Variants in UMODL1 observed in about 807,000 individuals in gnomAD.
The protein encoded by UMODL1 is uromodulin like 1, also known as uromodulin-like 1.
A neutral mutation model predicts 136.3 loss-of-function variants in UMODL1; 128 were observed. The observed-to-expected ratio is 0.94, with a 90% confidence interval of 0.81 to 1.09. The LOEUF (loss-of-function observed/expected upper bound fraction) is 1.09. Ranked by LOEUF, UMODL1 falls within the 50% of genes least tolerant of loss-of-function variation. The probability of loss-of-function intolerance (pLI) is 0.00; values close to 1 mark genes in which losing one functional copy is unlikely to be tolerated. For synonymous variants in UMODL1, 721 were observed against 720.0 expected (o/e 1.00, Z -0.02); for missense variants, 1,766 against 1,725.6 (o/e 1.02, Z -0.41).
rs557106721 is a variant in UMODL1, at chr21:42,088,340, A to G, written c.650A>G (p.His217Arg). 62 of 1,613,726 alleles carry G rather than the reference A, an allele frequency of 3.8e-5. No homozygotes were observed. The highest frequency in any genetic ancestry group is 4.9e-5 in the Non-Finnish European group (58 of 1,179,984). Residue 217 changes from histidine (H) to arginine (R), a missense_variant, in exon 5 of 23, where the codon CAC becomes CGC. By Grantham distance (29) the His-to-Arg change is conservative. Transcript: ENST00000408910. ...QPMASTVHHL[H>R]SAPGNASTTV... is the part of the protein sequence containing the mutation. Reference sequence around the variant, plus strand: ...ATGGCCTCCACCGTCCACCACCTGCACTCAGCCCCTGGGAACGCCTCCACC... The same window carrying G: ...ATGGCCTCCACCGTCCACCACCTGCGCTCAGCCCCTGGGAACGCCTCCACC...
In UMODL1 at chr21:42,113,686, A is replaced by C. The variant is rs777869651; in HGVS notation, c.2218A>C (p.Met740Leu). Residue 740 changes from methionine to leucine, a missense_variant, in exon 13 of 23, where the codon ATG becomes CTG. Met to Leu is a conservative substitution (Grantham distance 15). Coordinates refer to ENST00000408910, the MANE Select transcript of UMODL1 (RefSeq NM_001004416.3). ...CACCTTCCAGCTCACTCTGACTTCC[A>C]TGTGGAGCCCTGCTGTGGTCCTAGA... Reference protein sequence around the residue: ...DSTFQLTLTSMWSPAVVLETW... With the variant: ...DSTFQLTLTSLWSPAVVLETW... 3 of 1,614,016 alleles carry C rather than the reference A, an allele frequency of 1.9e-6. No homozygotes were observed. In the Admixed American group the frequency reaches 5.0e-5, roughly 27 times the overall value.
Position 42,099,244 on chromosome 21 carries a change from GC to G in UMODL1, c.1186+67del. On this transcript the variant is annotated intron_variant, in intron 7 of 22. Transcript: ENST00000408910. This position sits in a 1 kb window ranked among gnomAD's most constrained non-coding sequence, Gnocchi z 4.1. ...CTTGTCTTTCTATCCCAGGTCTGTG[GC>G]CCTAGCATGTCGCGTTCTTCTTCCT... is the stretch of plus-strand genomic sequence containing the variant. The G allele has an allele frequency of 6.4e-7, 1 of 1,573,094 alleles. No individual in the cohort carries two copies. The highest frequency in any genetic ancestry group is 8.6e-7 in the Non-Finnish European group (1 of 1,159,050).
chr21:42,086,445 C>T, intron 4 of UMODL1: 1 of 445,986 alleles, frequency 2.2e-6, no homozygotes, highest in South Asian at 1.6e-5. Flanking sequence ...TTGTTCTGGG[C>T]TGCTGGCCAG....
At chr21:42,108,879 C>CGGGAA (rs1569160178) in intron 9 of UMODL1, among the ~76,000 whole-genome samples, 8 of 127,606 alleles carry the variant, frequency 6.3e-5, no homozygotes, top group East Asian at 4.8e-4. Context: ...CCACCCCCGG[C>CGGGAA]GTGGGAAGTT....
At chr21:42,092,878 A>T (rs1359409276) in intron 6 of UMODL1, among the ~76,000 whole-genome samples, 3 of 152,084 alleles carry the variant, frequency 2.0e-5, no homozygotes, top group African/African-American at 7.2e-5. Context: ...CAGAAGAGGA[A>T]ATTGAGGGGG....
intron 3 of UMODL1, 130 bp downstream of exon 3, chr21:42,084,375 G>A (rs532471659): frequency 1.3e-4 from 130 of 992,818 alleles, no homozygotes; most frequent in Middle Eastern, 3.3e-4. Context: ...AGCCCCCACC[G>A]TGTGCACAGG....
chr21:42,090,976 C>T (rs1205885928), intron 6 of UMODL1, among the ~76,000 whole-genome samples: 2 of 152,050 alleles, frequency 1.3e-5, no homozygotes, highest in African/African-American at 2.4e-5. Context: ...TTCTTCGAAA[C>T]GGGAAAAGGG....
intron 10 of UMODL1, 98 bp from the exon 11 acceptor site, chr21:42,110,782 G>T (rs2066809870): frequency 3.3e-6 from 4 of 1,216,840 alleles, no homozygotes; most frequent in African/African-American, 1.5e-5. Flanking sequence ...ACTCCGGGAT[G>T]CAGAGCAGTC....
At chr21:42,140,827 C>T (rs2067272016) in intron 22 of UMODL1, among the ~76,000 whole-genome samples, 1 of 152,166 alleles carries the variant, frequency 6.6e-6, no homozygotes, top group African/African-American at 2.4e-5. Context: ...CAGGGAACAA[C>T]AGCGAAGTTT....
At chr21:42,108,204 C>T (rs1005593432) in intron 9 of UMODL1, 21 of 450,946 alleles carry the variant, frequency 4.7e-5, no homozygotes, top group Non-Finnish European at 7.0e-5. Context: ...TTTGAGCCAG[C>T]GTCTTGCCTG....
At chr21:42,096,987 T>G (rs1601207963) in intron 6 of UMODL1, among the ~76,000 whole-genome samples, 1 of 151,382 alleles carries the variant, frequency 6.6e-6, no homozygotes, top group Non-Finnish European at 1.5e-5. Flanking sequence ...GAGTGGGGGG[T>G]CTTTTTGATT....
chr21:42,107,059 C>G (rs745916726), intron 9 of UMODL1, among the ~76,000 whole-genome samples: 2 of 152,234 alleles, frequency 1.3e-5, no homozygotes, highest in Non-Finnish European at 2.9e-5. Context: ...TGGGTTCCCA[C>G]TGGTCCTTCC....
rs1454407562 is a variant in UMODL1 at position 42,123,155 on chromosome 21, G to A, written c.3147+5G>A. The stretch of plus-strand genomic sequence containing the variant: ...TGTGGGACCCTCATGCAGAGCGTAA[G>A]ACCAGGAGAGCCAGGCTCAGGATGT... On this transcript the variant is annotated splice_donor_5th_base_variant and intron_variant, in intron 17 of 22. Transcript: ENST00000408910. This position sits in a 1 kb window ranked among gnomAD's most constrained non-coding sequence, Gnocchi z 4.4. 1 of 1,605,602 alleles carries A rather than the reference G, an allele frequency of 6.2e-7. No individual in the cohort carries two copies. Among genetic ancestry groups the A allele is most frequent in the Admixed American group, 1.7e-5 (1 of 59,718 alleles).
chr21:42,123,057 C>T lies in UMODL1; in HGVS notation c.3054C>T (p.Tyr1018=), dbSNP rs534010351. 13 of 1,614,152 alleles carry T rather than the reference C, an allele frequency of 8.1e-6. No homozygotes were observed. Among genetic ancestry groups the T allele is most frequent in the East Asian group, 6.7e-5 (3 of 44,878 alleles). The change falls in exon 17 of 23, where the codon TAC becomes TAT. Residue 1018 remains tyrosine, a synonymous_variant. Transcript: ENST00000408910. This position sits in a 1 kb window ranked among gnomAD's most constrained non-coding sequence, Gnocchi z 4.4. ...QQESIPESSL[Y]LSHPSCNVSH... ...AATCCATCCCCGAGTCCTCGTTGTA[C>T]CTCAGCCACCCCTCCTGCAACGTGA...
chr21:42,129,095 A>G (rs1200160459), intron 20 of UMODL1, among the ~76,000 whole-genome samples: 3 of 151,748 alleles, frequency 2.0e-5, no homozygotes, highest in South Asian at 2.1e-4. Context: ...CTCAGTACAC[A>G]TCTATGTTTG....
intron 20 of UMODL1, among the ~76,000 whole-genome samples, chr21:42,128,960 C>T (rs73905564): frequency 0.026 from 4,018 of 152,188 alleles, 202 homozygotes; most frequent in African/African-American, 0.091. Flanking sequence ...AGGTGTCAGC[C>T]GGCTGGTTCC....
chr21:42,084,162 G>T lies in UMODL1; in HGVS notation c.398G>T (p.Cys133Phe). ...GGGCCTGAACCATCCACCTCCCCCT[G>T]CAGCTTGGACATCGACTGTCCTGGA... is the stretch of plus-strand genomic sequence containing the variant. ...AEGPEPSTSP[C>F]SLDIDCPGLE... is the part of the protein sequence containing the mutation. The change falls in exon 3 of 23, where the codon TGC becomes TTC. Residue 133 changes from cysteine to phenylalanine, a missense_variant. Cys to Phe is a radical substitution (Grantham distance 205). Transcript: ENST00000408910. 1 of 1,614,144 alleles carries T rather than the reference G, an allele frequency of 6.2e-7. No individual in the cohort carries two copies. Among genetic ancestry groups the T allele is most frequent in the Non-Finnish European group, 8.5e-7 (1 of 1,180,046 alleles).
intron 8 of UMODL1, chr21:42,103,320 G>T (rs8129075): frequency 0.23 from 46,596 of 204,050 alleles, 5,645 homozygotes; most frequent in African/African-American, 0.26. Context: ...CCTCCCTTTT[G>T]AAATGTTAAC....
intron 6 of UMODL1, among the ~76,000 whole-genome samples, chr21:42,092,148 G>A (rs1243220916): frequency 1.3e-5 from 2 of 152,224 alleles, no homozygotes; most frequent in African/African-American, 4.8e-5. Flanking sequence ...CAGGAGAGCA[G>A]AAGGGAAGCA....
Sources: gnomAD v4.1 joint callset for allele counts (sites outside exome capture counted in the v4.1 genomes callset) on GRCh38, gnomAD v4.1.1 for gene constraint, Gnocchi (gnomAD v3.1) non-coding constraint, MANE v1.5 for transcripts, NCBI Gene and HGNC (gene_info 2026-07-23, HGNC 2026-07-21) for gene names.